Variants in MRTFA observed in about 807,000 individuals in gnomAD.
MRTFA encodes the protein myocardin related transcription factor A, also known as myocardin-related transcription factor A.
In MRTFA, 20 loss-of-function variants were observed where a neutral mutation model predicts 83.5. The observed-to-expected ratio is 0.24, with a 90% CI of 0.17 to 0.35. The LOEUF is 0.35. Ranked by LOEUF, MRTFA falls within the 10% of genes least tolerant of loss-of-function variation. MRTFA has a pLI of 1.00. For missense variants in MRTFA, 1,200 were observed against 1,224.7 expected, an observed-to-expected ratio of 0.98 and a Z score of 0.30; for synonymous variants, 659 against 541.2, an observed-to-expected ratio of 1.22 and a Z score of -3.02.
At chr22:40,571,026 CAAAAAAAA>C (rs71199292) in intron 2 of MRTFA, among the ~76,000 whole-genome samples, 11 of 46,734 alleles carry the variant, frequency 2.4e-4, no homozygotes, top group East Asian at 9.8e-4. Context: ...CCTGTCTCTA[CAAAAAAAA>C]AAAAAAAAAA....
At chr22:40,520,294 T>A (rs2054842849) in intron 3 of MRTFA, among the ~76,000 whole-genome samples, 1 of 152,248 alleles carries the variant, frequency 6.6e-6, no homozygotes, top group East Asian at 1.9e-4. Context: ...ATAAACCCTG[T>A]ATCCATCAGC....
chr22:40,420,600 G>A, intron 10 of MRTFA, 24 bp from the exon 11 acceptor site: 2 of 1,609,956 alleles, frequency 1.2e-6, no homozygotes, highest in Non-Finnish European at 1.7e-6. Flanking sequence ...GCAGAAATTA[G>A]CCCCATCCAG....
chr22:40,573,013 A>T (rs1234746903), intron 2 of MRTFA, among the ~76,000 whole-genome samples: 2 of 152,228 alleles, frequency 1.3e-5, no homozygotes, highest in Admixed American at 6.5e-5. Flanking sequence ...AAGAAGCCAG[A>T]CACAAAAGAC....
chr22:40,421,237 G>T, intron 9 of MRTFA, 137 bp from the exon 10 acceptor site: 1 of 1,010,568 alleles, frequency 9.9e-7, no homozygotes, highest in Non-Finnish European at 1.4e-6. Flanking sequence ...ACTCTTCCCT[G>T]TGGGACCGTA....
chr22:40,549,096 G>A (rs773859775), intron 3 of MRTFA, among the ~76,000 whole-genome samples: 2 of 151,918 alleles, frequency 1.3e-5, no homozygotes, highest in South Asian at 2.1e-4. Context: ...ACAGGGTCTC[G>A]CTATGTCTCC....
rs111556351 is a variant in MRTFA at position 40,516,115 on chromosome 22, T to A, written c.241+35991A>T. On this transcript the variant is annotated intron_variant, in intron 3 of 14. Coordinates refer to ENST00000355630, the MANE Select transcript of MRTFA (RefSeq NM_020831.6). ...AGGACTGACTTAGCTGATATAAAAC[T>A]CAGCTGTTAAGAAGTTTCTGGGCTA... is the stretch of plus-strand genomic sequence containing the variant. Among the ~76,000 whole-genome samples, 1,127 of 152,134 alleles carry A rather than the reference T, an allele frequency of 7.4e-3. 25 individuals are homozygous for A. The Middle Eastern group carries it at 0.075, about 10-fold the overall frequency.
chr22:40,499,883 G>A (rs58449361), intron 3 of MRTFA, among the ~76,000 whole-genome samples: 3,889 of 144,602 alleles, frequency 0.027, 189 homozygotes, highest in African/African-American at 0.094. Context: ...TTAAGAAGCA[G>A]AGGAAACCTG....
At chr22:40,626,866 AACACAC>A (rs141945541) in intron 1 of MRTFA, among the ~76,000 whole-genome samples, 124 of 145,224 alleles carry the variant, frequency 8.5e-4, no homozygotes, top group African/African-American at 5.4e-4. Flanking sequence ...CCCTGTCTCA[AACACAC>A]ACACACACAC....
chr22:40,457,478 GAAAGAA>G (rs1569275941), intron 4 of MRTFA, among the ~76,000 whole-genome samples: 1 of 139,522 alleles, frequency 7.2e-6, no homozygotes, highest in Non-Finnish European at 1.6e-5. Context: ...AAGAAAGAAA[GAAAGAA>G]AGAAGGAAAG....
chr22:40,563,787 A>G (rs918539437), intron 2 of MRTFA, among the ~76,000 whole-genome samples: 1 of 152,230 alleles, frequency 6.6e-6, no homozygotes, highest in African/African-American at 2.4e-5. Flanking sequence ...TTAAATGAAC[A>G]AAGTCATAGA....
intron 3 of MRTFA, among the ~76,000 whole-genome samples, chr22:40,493,726 A>G (rs1321175083): frequency 6.6e-6 from 1 of 152,220 alleles, no homozygotes; most frequent in African/African-American, 2.4e-5. Context: ...GGAGGATGGA[A>G]AACGATAATG....
rs149542196 is a variant in MRTFA at position 40,424,322 on chromosome 22, C to T, written c.661G>A (p.Asp221Asn). 2.2e-5 allele frequency: 35 copies of T among 1,612,594 alleles called. No individual in the cohort carries two copies. Among genetic ancestry groups the T allele is most frequent in the Non-Finnish European group, 2.6e-5 (31 of 1,179,406 alleles). Residue 221 changes from aspartate (D) to asparagine (N), a missense_variant, in exon 8 of 15, where the codon GAT becomes AAT. By Grantham distance (23) the Asp-to-Asn change is conservative. Transcript: ENST00000355630. Reference sequence around the variant, plus strand: ...GCAGGCTGCTCGGGGGATAAGGCATCGCTGCTGTCCTCATCGAAGGAAGAG... The same window carrying T: ...GCAGGCTGCTCGGGGGATAAGGCATTGCTGCTGTCCTCATCGAAGGAAGAG...
At chr22:40,551,603 A>G (rs2055445385) in intron 3 of MRTFA, among the ~76,000 whole-genome samples, 1 of 152,120 alleles carries the variant, frequency 6.6e-6, no homozygotes, top group Admixed American at 6.6e-5. Context: ...TCCTGACCTG[A>G]GGTGATCTGT....
intron 3 of MRTFA, among the ~76,000 whole-genome samples, chr22:40,476,228 A>G (rs1366534945): frequency 1.3e-5 from 2 of 151,882 alleles, no homozygotes; most frequent in Non-Finnish European, 2.9e-5. Context: ...TCCTGATAAC[A>G]TTCCCCAAAA....
intron 1 of MRTFA, among the ~76,000 whole-genome samples, chr22:40,618,165 C>T (rs2056477123): frequency 6.6e-6 from 1 of 151,642 alleles, no homozygotes; most frequent in Non-Finnish European, 1.5e-5. Context: ...AGCTCCACCT[C>T]CTGGGTTCAC....
chr22:40,509,802 G>A (rs1277107852), intron 3 of MRTFA, among the ~76,000 whole-genome samples: 3 of 151,632 alleles, frequency 2.0e-5, no homozygotes, highest in Non-Finnish European at 4.4e-5. Context: ...GGAGGAATTT[G>A]AGAAAAAATA....
intron 2 of MRTFA, among the ~76,000 whole-genome samples, chr22:40,559,424 T>C (rs940389896): frequency 6.6e-6 from 1 of 152,146 alleles, no homozygotes; most frequent in African/African-American, 2.4e-5. Context: ...ACACATACTT[T>C]TTTTTTCTTT....
At chr22:40,614,169 T>C (rs147541263) in intron 1 of MRTFA, among the ~76,000 whole-genome samples, 2 of 150,924 alleles carry the variant, frequency 1.3e-5, no homozygotes, top group Non-Finnish European at 3.0e-5. Context: ...ACCATTGTAC[T>C]CCAGCCTGGG....
intron 5 of MRTFA, 57 bp from the exon 6 acceptor site, chr22:40,431,537 G>A: frequency 6.5e-7 from 1 of 1,530,028 alleles, no homozygotes; most frequent in Non-Finnish European, 9.1e-7. Context: ...TTATGGCATG[G>A]ACAGGATCAC....
Sources: allele counts gnomAD v4.1 joint callset (sites outside exome capture counted in the v4.1 genomes callset), GRCh38; gene constraint gnomAD v4.1.1; transcripts MANE v1.5; gene names NCBI Gene and HGNC (gene_info 2026-07-23, HGNC 2026-07-21).